Variants in COBL observed in about 807,000 individuals in gnomAD.
COBL encodes the protein cordon-bleu WH2 repeat protein, also known as protein cordon-bleu.
Under a neutral mutation model 98.8 loss-of-function variants are expected in COBL, and 51 were observed. The ratio of observed to expected loss-of-function variants is 0.52; its 90% confidence interval spans 0.41 to 0.65. The LOEUF is 0.65. Among genes scored for constraint, COBL ranks in the 30% least tolerant of loss-of-function variants. COBL has a pLI of 0.00. For missense variants in COBL, 1,617 were observed against 1,617.5 expected (o/e 1.00, Z 0.01); for synonymous variants, 634 against 651.7 (o/e 0.97, Z 0.41).
At chr7:51,187,446 C>A (rs1395246821) in intron 4 of COBL, among the ~76,000 whole-genome samples, 8 of 151,766 alleles carry the variant, frequency 5.3e-5, no homozygotes, top group African/African-American at 1.9e-4. Context: ...GGAATAAATG[C>A]AAAATCTGGA....
chr7:51,271,681 A>G (rs1305435009), intron 1 of COBL, among the ~76,000 whole-genome samples: 2 of 152,252 alleles, frequency 1.3e-5, no homozygotes, highest in African/African-American at 4.8e-5. Context: ...CAGTTTCAGG[A>G]TTCTGCACTC....
At chr7:51,283,548 G>A (rs367694672) in intron 1 of COBL, among the ~76,000 whole-genome samples, 2 of 152,142 alleles carry the variant, frequency 1.3e-5, no homozygotes, top group South Asian at 2.1e-4. Context: ...GCAGGGGCGC[G>A]ATCCTGGCTC....
At chr7:51,106,615 C>A (rs1357407763) in intron 6 of COBL, among the ~76,000 whole-genome samples, 3 of 152,168 alleles carry the variant, frequency 2.0e-5, no homozygotes, top group African/African-American at 7.2e-5. Context: ...GCCATCGATT[C>A]TGCTTTATTC....
intron 10 of COBL, among the ~76,000 whole-genome samples, chr7:51,027,081 T>G (rs1386192494): frequency 6.6e-6 from 1 of 152,252 alleles, no homozygotes; most frequent in East Asian, 1.9e-4. Context: ...GTTTACATCT[T>G]GCAGACCCAG....
chr7:51,096,894 A>C (rs1019529527), intron 6 of COBL, among the ~76,000 whole-genome samples: 2 of 152,222 alleles, frequency 1.3e-5, no homozygotes, highest in African/African-American at 4.8e-5. Context: ...AGATGGCTTC[A>C]ATGGAGAATT....
intron 6 of COBL, among the ~76,000 whole-genome samples, chr7:51,094,417 C>T (rs770062656): frequency 2.0e-5 from 3 of 152,038 alleles, no homozygotes; most frequent in Non-Finnish European, 4.4e-5. Context: ...AATATATATA[C>T]ATTAATTAGC....
intron 1 of COBL, among the ~76,000 whole-genome samples, chr7:51,301,696 C>T (rs1801982915): frequency 6.6e-6 from 1 of 152,188 alleles, no homozygotes; most frequent in Non-Finnish European, 1.5e-5. Flanking sequence ...ACATTGCCTG[C>T]CCACCGCTAC....
chr7:51,304,059 T>G (rs943038792), intron 1 of COBL, among the ~76,000 whole-genome samples: 1 of 152,136 alleles, frequency 6.6e-6, no homozygotes, highest in Non-Finnish European at 1.5e-5. Flanking sequence ...CCAAAACCAC[T>G]CACTGGTCCA....
chr7:51,198,715 T>C (rs1255530658), intron 2 of COBL, among the ~76,000 whole-genome samples: 1 of 152,212 alleles, frequency 6.6e-6, no homozygotes, highest in Non-Finnish European at 1.5e-5. Context: ...AAATTGAAGA[T>C]TGGGAACTCA....
chr7:51,316,560 CT>C, intron 1 of COBL, 32 bp downstream of exon 1: 1 of 1,211,266 alleles, frequency 8.3e-7, no homozygotes. Context: ...GGGAAGCCCC[CT>C]CTCCACCCCG....
At chr7:51,065,147 G>A (rs1791776256) in intron 7 of COBL, 3 of 700,910 alleles carry the variant, frequency 4.3e-6, no homozygotes, top group Middle Eastern at 4.6e-4. Context: ...TAGCTGATTA[G>A]GGATTGTCTC....
chr7:51,030,864 TA>T lies in COBL; in HGVS notation c.1451del (p.Leu484Ter). 6.3e-7 allele frequency: 1 copy of T among 1,592,572 alleles called. No homozygotes were observed. The highest frequency in any genetic ancestry group is 1.5e-5 in the African/African-American group (1 of 67,124). On this transcript the variant is annotated frameshift_variant, in exon 9 of 13. Transcript: ENST00000265136. LOFTEE classifies it high-confidence loss of function. ...GGGTTTTACGGAACTCTCCAGCAAT[TA>T]ATAGGTCTTCTTCATCATTTGAGGC... ...VTASNDEEDLLIAGEFRKTLA... is the reference protein window; with the variant it reads ...VTASNDEEDLXIAGEFRKTLA...
At chr7:51,239,120 G>T (rs1011981889) in intron 1 of COBL, among the ~76,000 whole-genome samples, 5 of 152,092 alleles carry the variant, frequency 3.3e-5, no homozygotes, top group African/African-American at 1.2e-4. Context: ...ATTCTGTCTG[G>T]GGCTAGAAAT....
chr7:51,136,885 C>T (rs527490142), intron 5 of COBL, among the ~76,000 whole-genome samples: 66 of 152,150 alleles, frequency 4.3e-4, no homozygotes, highest in Non-Finnish European at 5.1e-4. Flanking sequence ...CCATCAGTAC[C>T]GTACTTAGTG....
chr7:51,233,204 T>G (rs986814180), intron 1 of COBL, among the ~76,000 whole-genome samples: 2 of 152,216 alleles, frequency 1.3e-5, no homozygotes, highest in African/African-American at 4.8e-5. Context: ...TGGTTTTCCA[T>G]GAGCATCTGC....
intron 1 of COBL, among the ~76,000 whole-genome samples, chr7:51,308,833 A>C (rs902077854): frequency 2.6e-5 from 4 of 152,190 alleles, no homozygotes; most frequent in Non-Finnish European, 5.9e-5. Context: ...TAAAAAGCAA[A>C]GGACGTCAGC....
At chr7:51,229,299 C>T (rs920892973) in intron 1 of COBL, among the ~76,000 whole-genome samples, 4 of 152,330 alleles carry the variant, frequency 2.6e-5, no homozygotes, top group East Asian at 3.9e-4. Context: ...CCTGTACTCC[C>T]GGCAACGGAA....
At chr7:51,065,454 A>C (rs1487273614) in intron 7 of COBL, 5 of 692,978 alleles carry the variant, frequency 7.2e-6, no homozygotes, top group Non-Finnish European at 1.3e-5. Flanking sequence ...CATAAACTGT[A>C]GGGGCAAGGA....
chr7:51,156,525 C>T, intron 5 of COBL: 1 of 985,100 alleles, frequency 1.0e-6, no homozygotes, highest in African/African-American at 1.7e-5. Flanking sequence ...CATATAATTA[C>T]AGATCCAGAA....
Sources: gnomAD v4.1 joint callset for allele counts (sites outside exome capture counted in the v4.1 genomes callset) on GRCh38, gnomAD v4.1.1 for gene constraint, MANE v1.5 for transcripts, NCBI Gene and HGNC (gene_info 2026-07-23, HGNC 2026-07-21) for gene names.